SLC17A8: variants seen among roughly 807,000 people sequenced by gnomAD.
The protein encoded by SLC17A8 is vesicular glutamate transporter 3.
Under a neutral mutation model 58.0 loss-of-function variants are expected in SLC17A8, and 31 were observed. The observed-to-expected ratio is 0.53, with a 90% confidence interval of 0.40 to 0.72. SLC17A8 has a LOEUF of 0.72. SLC17A8 is among the 30% of genes least tolerant of loss of function. The probability of loss-of-function intolerance (pLI) is 0.00; values close to 1 mark genes in which losing one functional copy is unlikely to be tolerated. For synonymous variants in SLC17A8, 228 were observed against 249.0 expected, an observed-to-expected ratio of 0.92 and a Z score of 0.79; for missense variants, 655 against 727.8, an observed-to-expected ratio of 0.90 and a Z score of 1.15.
intron 5 of SLC17A8, among the ~76,000 whole-genome samples, chr12:100,397,856 T>A (rs544198515): frequency 1.3e-4 from 19 of 151,312 alleles, no homozygotes; most frequent in Non-Finnish European, 2.2e-4. Flanking sequence ...GGTGGGAGGA[T>A]CGCTTGAGCC....
intron 1 of SLC17A8, among the ~76,000 whole-genome samples, chr12:100,363,566 A>G (rs928041849): frequency 2.6e-5 from 4 of 152,048 alleles, no homozygotes; most frequent in African/African-American, 9.7e-5. Context: ...GGGTTTCGGT[A>G]TGTTGGTCAG....
rs185874432 is a variant in SLC17A8 at position 100,416,841 on chromosome 12, C to T, written c.1298-1188C>T. 1.6e-4 allele frequency among the ~76,000 whole-genome samples: 24 copies of T among 152,250 alleles called. No individual in the cohort carries two copies. The East Asian group carries it at 3.5e-3, about 22-fold the overall frequency. On this transcript the variant is annotated intron_variant, in intron 10 of 11. Transcript: ENST00000323346. ...ATCAATTTTATAAGAATCGTTATCC[C>T]GTTATGTAGATGAAACTAAGGTTCA...
chr12:100,406,102 C>T (rs1208186236), intron 9 of SLC17A8, among the ~76,000 whole-genome samples: 1 of 152,236 alleles, frequency 6.6e-6, no homozygotes, highest in African/African-American at 2.4e-5. Context: ...ATCTTTCTGT[C>T]TCTGACTTTG....
intron 10 of SLC17A8, 57 bp downstream of exon 10, chr12:100,412,937 G>A: frequency 7.4e-7 from 1 of 1,353,564 alleles, no homozygotes; most frequent in Non-Finnish European, 1.1e-6. Flanking sequence ...GTCCCAGGAA[G>A]AAGGAAGGAC....
At chr12:100,416,667 G>T (rs1952908543) in intron 10 of SLC17A8, among the ~76,000 whole-genome samples, 1 of 152,034 alleles carries the variant, frequency 6.6e-6, no homozygotes. Flanking sequence ...ACTATTTATT[G>T]AGTGACTACA....
Position 100,403,869 on chromosome 12 carries a change from C to T in SLC17A8, c.1054-169C>T, listed in dbSNP as rs150906212. On this transcript the variant is annotated intron_variant, in intron 8 of 11. Transcript: ENST00000323346. ...ATAGGTCTAAAATCATTCGCTCATTCATCATTTATTTATTATGAAATTCAG... is the reference window on the plus strand; with the variant it reads ...ATAGGTCTAAAATCATTCGCTCATTTATCATTTATTTATTATGAAATTCAG... Among the ~76,000 whole-genome samples the T allele has an allele frequency of 6.3e-4, 96 of 152,260 alleles. 1 individual carries two copies. Among genetic ancestry groups the T allele is most frequent in the African/African-American group, 2.3e-3 (96 of 41,554 alleles).
Position 100,364,047 on chromosome 12 carries a change from C to CAAAAA in SLC17A8, c.101+6573_101+6577dup, listed in dbSNP as rs3057169. On this transcript the variant is annotated intron_variant, in intron 1 of 11. Coordinates refer to ENST00000323346, the MANE Select transcript of SLC17A8 (RefSeq NM_139319.3). ...TGGGTGATAGAACAAGATTCCATCT[C>CAAAAA]AAAAAAAAAAAAAAAAAAAAAAGCT... 3.1e-3 allele frequency among the ~76,000 whole-genome samples: 166 copies of CAAAAA among 52,966 alleles called. 3 individuals are homozygous for CAAAAA. The highest frequency in any genetic ancestry group is 0.01 in the African/African-American group (158 of 15,580). 34.7% of individuals were successfully genotyped at this position (52,966 alleles called of 152,430 possible). A position where few individuals can be genotyped will look rare whatever the true frequency, so the allele number is the denominator to read the frequency against.
chr12:100,398,079 GCTTT>G lies in SLC17A8; in HGVS notation c.676+1665_676+1668del, dbSNP rs1231683849. 3.3e-5 allele frequency among the ~76,000 whole-genome samples: 5 copies of G among 152,128 alleles called. No homozygotes were observed. The East Asian group carries it at 7.7e-4, about 23-fold the overall frequency. ...CTTCTTTGCTAAAGGGAGAAAGATAGCTTTCTATTTATTTCTGCATATGTTTTAA... is the reference window on the plus strand; with the variant it reads ...CTTCTTTGCTAAAGGGAGAAAGATAGCTATTTATTTCTGCATATGTTTTAA... On this transcript the variant is annotated intron_variant, in intron 5 of 11. Transcript: ENST00000323346.
intron 2 of SLC17A8, among the ~76,000 whole-genome samples, chr12:100,387,188 T>C (rs1952681688): frequency 6.6e-6 from 1 of 152,334 alleles, no homozygotes; most frequent in African/African-American, 2.4e-5. Context: ...CTCTGTACTG[T>C]TTCCATGGTG....
At chr12:100,373,524 A>G (rs1192262686) in intron 1 of SLC17A8, among the ~76,000 whole-genome samples, 1 of 151,852 alleles carries the variant, frequency 6.6e-6, no homozygotes, top group Non-Finnish European at 1.5e-5. Flanking sequence ...ATGAGTTGGA[A>G]ATGGTCCTGG....
intron 11 of SLC17A8, among the ~76,000 whole-genome samples, chr12:100,418,717 T>G (rs1362526472): frequency 6.6e-6 from 1 of 152,260 alleles, no homozygotes; most frequent in African/African-American, 2.4e-5. Context: ...TCTTTGTCAC[T>G]GAAACGTCTC....
intron 2 of SLC17A8, among the ~76,000 whole-genome samples, chr12:100,387,939 C>A (rs1952687645): frequency 6.6e-6 from 1 of 152,160 alleles, no homozygotes; most frequent in African/African-American, 2.4e-5. Flanking sequence ...CAATGGTTTT[C>A]ATTTCTCTTT....
At chr12:100,371,237 T>C (rs1448633828) in intron 1 of SLC17A8, among the ~76,000 whole-genome samples, 1 of 152,214 alleles carries the variant, frequency 6.6e-6, no homozygotes, top group East Asian at 1.9e-4. Flanking sequence ...CCCATCTTCC[T>C]TTCATAAATG....
rs964840737 is a variant in SLC17A8 at position 100,403,804 on chromosome 12, C to T, written c.1054-234C>T. 3.9e-5 allele frequency among the ~76,000 whole-genome samples: 6 copies of T among 152,146 alleles called. No individual in the cohort carries two copies. The East Asian group carries it at 5.8e-4, about 15-fold the overall frequency. On this transcript the variant is annotated intron_variant, in intron 8 of 11. Transcript: ENST00000323346. ...GCCCTCTGTGATGAATAAAAGTCAT[C>T]GCTGCCCTCAAGGAGCTTCCAATCT...
chr12:100,364,370 C>T (rs921221993), intron 1 of SLC17A8, among the ~76,000 whole-genome samples: 42 of 152,186 alleles, frequency 2.8e-4, no homozygotes, highest in African/African-American at 1.0e-3. Context: ...CAACTTCTGA[C>T]CAAGAGACTG....
intron 10 of SLC17A8, among the ~76,000 whole-genome samples, chr12:100,415,953 A>C (rs950036646): frequency 1.3e-5 from 2 of 152,198 alleles, no homozygotes; most frequent in South Asian, 2.1e-4. Flanking sequence ...CTGTCTGCCA[A>C]CTTTTAAAGG....
chr12:100,379,986 G>A (rs1952622100), intron 1 of SLC17A8, among the ~76,000 whole-genome samples: 1 of 152,108 alleles, frequency 6.6e-6, no homozygotes, highest in African/African-American at 2.4e-5. Context: ...GATCATCTGA[G>A]TCGGGAGTTT....
At chr12:100,398,987 G>A (rs951237831) in intron 5 of SLC17A8, among the ~76,000 whole-genome samples, 1 of 152,166 alleles carries the variant, frequency 6.6e-6, no homozygotes, top group African/African-American at 2.4e-5. Context: ...ACGTGGAACT[G>A]TGAGTCCAAT....
rs78037461 is a variant in SLC17A8 at position 100,413,687 on chromosome 12, G to T, written c.1297+807G>T. Among the ~76,000 whole-genome samples the T allele has an allele frequency of 5.0e-3, 766 of 152,280 alleles. 8 individuals carry two copies. Among genetic ancestry groups the T allele is most frequent in the African/African-American group, 0.014 (578 of 41,566 alleles). ...CTTTAAAACATCGTAATAAGAATAT[G>T]GTTACTGGCCGGGTGCGCTGGCTTA... On this transcript the variant is annotated intron_variant, in intron 10 of 11. Transcript: ENST00000323346.
Sources: allele counts gnomAD v4.1 joint callset (sites outside exome capture counted in the v4.1 genomes callset), GRCh38; gene constraint gnomAD v4.1.1; transcripts MANE v1.5; gene names NCBI Gene and HGNC (gene_info 2026-07-23, HGNC 2026-07-21).